Variants in NUDT9 observed in about 807,000 individuals in gnomAD.
NUDT9 encodes the protein nudix hydrolase 9.
In NUDT9, 31 loss-of-function variants were observed where a neutral mutation model predicts 41.0. That is an observed-to-expected ratio of 0.76 (90% confidence interval 0.57 to 1.02). The LOEUF is 1.02. Among genes scored for constraint, NUDT9 ranks in the 50% least tolerant of loss-of-function variants. NUDT9 has a pLI of 0.00. For synonymous variants in NUDT9, 146 were observed against 147.6 expected (o/e 0.99, Z 0.08); for missense variants, 380 against 431.4 (o/e 0.88, Z 1.06).
intron 7 of NUDT9, 148 bp from the exon 8 acceptor site, chr4:87,457,695 C>G (rs910643998): frequency 4.7e-6 from 3 of 635,560 alleles, no homozygotes; most frequent in African/African-American, 3.9e-5. Flanking sequence ...ATTCTGCTGA[C>G]CAGGGATGGA....
At position 87,438,305 on chromosome 4, in the gene NUDT9, G is replaced by A. The variant is rs778608895; in HGVS notation, c.376G>A (p.Glu126Lys). 5.6e-6 allele frequency: 9 copies of A among 1,609,454 alleles called. No homozygotes were observed. Among genetic ancestry groups the A allele is most frequent in the Admixed American group, 1.7e-5 (1 of 59,954 alleles). ...AAGTAATTTTTCTCCCAAGTTTAACGAAAAGGATGGGCATGTTGAGAGAAA... is the reference window on the plus strand; with the variant it reads ...AAGTAATTTTTCTCCCAAGTTTAACAAAAAGGATGGGCATGTTGAGAGAAA... Reference protein sequence around the residue: ...SESNFSPKFNEKDGHVERKSK... With the variant: ...SESNFSPKFNKKDGHVERKSK... Residue 126 changes from glutamate to lysine, a missense_variant, in exon 3 of 8, where the codon GAA (glutamate) becomes AAA (lysine). By Grantham distance (56) the Glu-to-Lys change is moderately conservative (BLOSUM62 1). Coordinates refer to ENST00000302174, the MANE Select transcript of NUDT9 (RefSeq NM_024047.5).
Position 87,438,271 on chromosome 4 carries a change from T to C in NUDT9, c.348-6T>C. The C allele has an allele frequency of 6.5e-7, 1 of 1,527,536 alleles. No homozygotes were observed. Among genetic ancestry groups the C allele is most frequent in the African/African-American group, 1.4e-5 (1 of 73,414 alleles). The allele number at this position is 1,527,536 out of a possible 1,614,324, so 94.6% of individuals were successfully genotyped here. A position where few individuals can be genotyped will look rare whatever the true frequency, so the allele number is the denominator to read the frequency against. ...TTCTTATTTTACATTGGTATTCTCA[T>C]TACAGTGAAAGTAATTTTTCTCCCA... On this transcript the variant is annotated splice_region_variant and splice_polypyrimidine_tract_variant and intron_variant, in intron 2 of 7. Coordinates refer to ENST00000302174, the MANE Select transcript of NUDT9 (RefSeq NM_024047.5).
chr4:87,422,890 C>T lies in NUDT9; in HGVS notation c.-16C>T. On this transcript the variant is annotated 5_prime_UTR_variant, in exon 1 of 8. Coordinates refer to ENST00000302174, the MANE Select transcript of NUDT9 (RefSeq NM_024047.5). ...TAAGAGCGACCTAGCATCGCAAAGCCGCCCTCGGGGCGCTCATGGCGGGAC... is the reference window on the plus strand; with the variant it reads ...TAAGAGCGACCTAGCATCGCAAAGCTGCCCTCGGGGCGCTCATGGCGGGAC... 1 of 1,604,054 alleles carries T rather than the reference C, an allele frequency of 6.2e-7. No individual in the cohort carries two copies. Among genetic ancestry groups the T allele is most frequent in the South Asian group, 1.1e-5 (1 of 90,766 alleles).
rs376498776 is a variant in NUDT9, at chr4:87,423,918, T to C, written c.107+906T>C. ...GGAACCTGCCTTTTGCTTCAGGCTT[T>C]GCAGTAGTGGTGGAGCAACTTCTCT... On this transcript the variant is annotated intron_variant, in intron 1 of 7. Coordinates refer to ENST00000302174, the MANE Select transcript of NUDT9 (RefSeq NM_024047.5). Among the ~76,000 whole-genome samples the C allele has an allele frequency of 9.8e-5, 15 of 152,360 alleles. No individual in the cohort carries two copies. The East Asian group carries it at 2.9e-3, about 29-fold the overall frequency.
chr4:87,455,873 G>T (rs1392096085), intron 7 of NUDT9, among the ~76,000 whole-genome samples: 1 of 151,964 alleles, frequency 6.6e-6, no homozygotes, highest in African/African-American at 2.4e-5. Flanking sequence ...TGTTGGCCAG[G>T]CTGGTCTCAA....
chr4:87,457,544 T>G (rs1009168985), intron 7 of NUDT9, among the ~76,000 whole-genome samples: 1 of 152,206 alleles, frequency 6.6e-6, no homozygotes, highest in East Asian at 1.9e-4. Context: ...CTGATTTTGA[T>G]GTAAGGTTTC....
At chr4:87,444,101 A>AT (rs1398056371) in intron 4 of NUDT9, among the ~76,000 whole-genome samples, 1 of 151,904 alleles carries the variant, frequency 6.6e-6, no homozygotes. Context: ...TTTAATTTTT[A>AT]TTTTTTTACT....
chr4:87,443,589 T>C (rs1228333074), intron 4 of NUDT9, among the ~76,000 whole-genome samples: 1 of 152,142 alleles, frequency 6.6e-6, no homozygotes, highest in Non-Finnish European at 1.5e-5. Flanking sequence ...TCAAATAATA[T>C]GGGTGATTCA....
intron 4 of NUDT9, among the ~76,000 whole-genome samples, chr4:87,443,809 C>T (rs769779652): frequency 1.4e-4 from 21 of 152,088 alleles, no homozygotes; most frequent in East Asian, 1.4e-3. Context: ...GAGTAGTGGG[C>T]GAAAAATGAA....
At chr4:87,437,424 T>C (rs562510421) in intron 2 of NUDT9, among the ~76,000 whole-genome samples, 2 of 152,144 alleles carry the variant, frequency 1.3e-5, no homozygotes, top group African/African-American at 2.4e-5. Context: ...CACTGGAAGC[T>C]CCACCTCCTG....
intron 4 of NUDT9, among the ~76,000 whole-genome samples, chr4:87,448,936 T>C (rs570770232): frequency 3.9e-5 from 6 of 152,354 alleles, no homozygotes; most frequent in Admixed American, 2.0e-4. Flanking sequence ...TTTTATGTAA[T>C]GTAGACATTT....
rs1257228808 is a variant in NUDT9, at chr4:87,422,941, G to T, written c.36G>T (p.Ala12=). The change falls in exon 1 of 8, where the codon GCG becomes GCT. Residue 12 remains alanine (A), a synonymous_variant. Coordinates refer to ENST00000302174, the MANE Select transcript of NUDT9 (RefSeq NM_024047.5). Reference sequence around the variant, plus strand: ...GCCTCCTGGGAAAGGCTTTAGCCGCGGTGTCTCTCTCTCTGGCCTTGGCCT... The same window carrying T: ...GCCTCCTGGGAAAGGCTTTAGCCGCTGTGTCTCTCTCTCTGGCCTTGGCCT... ...AGRLLGKALA[A]VSLSLALASV... is the part of the protein sequence containing the mutation. The T allele has an allele frequency of 3.1e-6, 5 of 1,612,540 alleles. No individual in the cohort carries two copies. The highest frequency in any genetic ancestry group is 3.4e-6 in the Non-Finnish European group (4 of 1,179,684).
chr4:87,429,425 A>T (rs1052547508), intron 1 of NUDT9, among the ~76,000 whole-genome samples: 22 of 149,730 alleles, frequency 1.5e-4, no homozygotes, highest in African/African-American at 4.9e-4. Flanking sequence ...AAGTGTTGGG[A>T]TTACAGACGT....
chr4:87,452,261 CCAAAGTG>C (rs895366365), intron 6 of NUDT9, among the ~76,000 whole-genome samples: 72 of 152,238 alleles, frequency 4.7e-4, no homozygotes, highest in African/African-American at 1.4e-3. Context: ...CCTCGGCCTC[CCAAAGTG>C]CTGGGATTAC....
At chr4:87,442,261 G>A (rs932013839) in intron 4 of NUDT9, among the ~76,000 whole-genome samples, 6 of 152,158 alleles carry the variant, frequency 3.9e-5, no homozygotes, top group Admixed American at 2.6e-4. Flanking sequence ...GAATACTATA[G>A]GCAACTGTAA....
intron 6 of NUDT9, among the ~76,000 whole-genome samples, chr4:87,453,585 A>ACTCC (rs1395756587): frequency 6.6e-6 from 1 of 151,994 alleles, no homozygotes; most frequent in African/African-American, 2.4e-5. Context: ...GTTCTCCACC[A>ACTCC]TGCCCAGCTA....
intron 7 of NUDT9, among the ~76,000 whole-genome samples, chr4:87,455,591 T>G (rs1722948270): frequency 6.6e-6 from 1 of 152,104 alleles, no homozygotes; most frequent in Non-Finnish European, 1.5e-5. Flanking sequence ...GTTTTAATAT[T>G]TGCTTTGTTT....
chr4:87,434,234 G>A (rs1578068444), intron 1 of NUDT9: 1 of 151,984 alleles, frequency 6.6e-6, no homozygotes, highest in African/African-American at 2.4e-5. Context: ...AGTAGAGACA[G>A]GGTTTCACCA....
intron 2 of NUDT9, among the ~76,000 whole-genome samples, chr4:87,437,619 G>A (rs1722010804): frequency 6.6e-6 from 1 of 152,054 alleles, no homozygotes; most frequent in Non-Finnish European, 1.5e-5. Context: ...TGGGATTACA[G>A]GCGTGAGCCA....
Sources: gnomAD v4.1 joint callset for allele counts (sites outside exome capture counted in the v4.1 genomes callset) on GRCh38, gnomAD v4.1.1 for gene constraint, MANE v1.5 for transcripts, NCBI Gene and HGNC (gene_info 2026-07-23, HGNC 2026-07-21) for gene names.